The following CDV3 variants were observed in gnomAD, a reference collection of about 807,000 sequenced individuals.
CDV3 encodes the protein protein CDV3 homolog.
CDV3 carries 14 observed loss-of-function variants against 24.5 expected under a neutral mutation model. That is an observed-to-expected ratio of 0.57 (90% confidence interval 0.38 to 0.89). The LOEUF (loss-of-function observed/expected upper bound fraction) is 0.89. Among genes scored for constraint, CDV3 ranks in the 40% least tolerant of loss-of-function variants. CDV3 has a pLI of 0.00. For missense variants in CDV3, 304 were observed against 310.2 expected, an observed-to-expected ratio of 0.98 and a Z score of 0.15; for synonymous variants, 114 against 114.1, an observed-to-expected ratio of 1.00 and a Z score of 0.00.
intron 2 of CDV3, among the ~76,000 whole-genome samples, chr3:133,583,435 TCTC>T (rs1322475895): frequency 1.3e-5 from 2 of 152,252 alleles, no homozygotes; most frequent in Non-Finnish European, 2.9e-5. Context: ...CTCACCTTCT[TCTC>T]TGCATTTCAG....
intron 3 of CDV3, among the ~76,000 whole-genome samples, chr3:133,585,791 C>T (rs984118514): frequency 6.6e-6 from 1 of 152,186 alleles, no homozygotes; most frequent in Admixed American, 6.5e-5. Flanking sequence ...GCCACTGCAC[C>T]CAGCCCTGGC....
At position 133,574,152 on chromosome 3, in the gene CDV3, C is replaced by T. The variant is rs780926253; in HGVS notation, c.108C>T (p.Gly36=). The T allele has an allele frequency of 1.7e-6, 2 of 1,171,422 alleles. No individual in the cohort carries two copies. Among genetic ancestry groups the T allele is most frequent in the Non-Finnish European group, 2.2e-6 (2 of 928,586 alleles). 72.6% of individuals were successfully genotyped at this position (1,171,422 alleles called of 1,614,324 possible). Residue 36 remains glycine, a synonymous_variant, in exon 1 of 5, where the codon GGC becomes GGT. Coordinates refer to ENST00000264993, the MANE Select transcript of CDV3 (RefSeq NM_017548.5). ...NRAASAAGAA[G]SAGGSSGAAG... ...CGGCGAGTGCCGCGGGCGCAGCGGG[C>T]AGCGCCGGCGGAAGCAGTGGAGCCG...
chr3:133,580,596 G>A (rs111916702), intron 2 of CDV3, among the ~76,000 whole-genome samples: 5,335 of 152,188 alleles, frequency 0.035, 162 homozygotes, highest in Non-Finnish European at 0.045. Flanking sequence ...CAGTTACTTG[G>A]TGGGCTGAGA....
intron 4 of CDV3, 170 bp from the exon 5 acceptor site, chr3:133,587,726 G>C (rs1234436686): frequency 1.4e-6 from 2 of 1,400,254 alleles, no homozygotes; most frequent in African/African-American, 2.9e-5. Flanking sequence ...TGTGTTTTCT[G>C]TTTGAATTGA....
intron 4 of CDV3, chr3:133,587,693 C>A: frequency 7.4e-7 from 1 of 1,347,982 alleles, no homozygotes; most frequent in South Asian, 2.0e-5. Context: ...AAGATAGGAC[C>A]CTAGAGCTTC....
At position 133,588,677 on chromosome 3, in the gene CDV3, CTG is replaced by C; in HGVS notation, c.*635_*636del. On this transcript the variant is annotated 3_prime_UTR_variant, in exon 5 of 5. Coordinates refer to ENST00000264993, the MANE Select transcript of CDV3 (RefSeq NM_017548.5). Reference sequence around the variant, plus strand: ...AAAAGAACTGATGTGTTCAGATCATCTGTGTAGGGCTGTGATTTGTAATTTAA... The same window carrying C: ...AAAAGAACTGATGTGTTCAGATCATCTGTAGGGCTGTGATTTGTAATTTAA... 2 of 328,390 alleles carry C rather than the reference CTG, an allele frequency of 6.1e-6. No individual in the cohort carries two copies. Among genetic ancestry groups the C allele is most frequent in the East Asian group, 9.8e-5 (2 of 20,324 alleles). 20.3% of individuals were successfully genotyped at this position (328,390 alleles called of 1,614,324 possible). A position where few individuals can be genotyped will look rare whatever the true frequency, so the allele number is the denominator to read the frequency against.
rs903177283 is a variant in CDV3 at position 133,574,554 on chromosome 3, C to G, written c.240+270C>G. 4.1e-6 allele frequency: 4 copies of G among 986,126 alleles called. No individual in the cohort carries two copies. In the African/African-American group the frequency reaches 7.0e-5, roughly 17 times the overall value. 61.1% of individuals were successfully genotyped at this position (986,126 alleles called of 1,614,324 possible). On this transcript the variant is annotated intron_variant, in intron 1 of 4. Transcript: ENST00000264993. The stretch of plus-strand genomic sequence containing the variant: ...GCGCCACCCTCCGGGGGCACTAGGT[C>G]TGGGGCCGCAGTGCCCAGCACAGAG...
chr3:133,576,841 CTTTTTTTTTTTTTTTT>C (rs370619351), intron 2 of CDV3, among the ~76,000 whole-genome samples: 1 of 62,388 alleles, frequency 1.6e-5, no homozygotes, highest in African/African-American at 6.8e-5. Flanking sequence ...GGTAGACTAG[CTTTTTTTTTTTTTTTT>C]TTTTTTTGAG....
chr3:133,574,563 C>T (rs2074729103), intron 1 of CDV3: 1 of 986,062 alleles, frequency 1.0e-6, no homozygotes, highest in Non-Finnish European at 1.2e-6. Flanking sequence ...TCTGGGGCCG[C>T]AGTGCCCAGC....
At chr3:133,579,919 C>T (rs2074953020) in intron 2 of CDV3, among the ~76,000 whole-genome samples, 1 of 152,094 alleles carries the variant, frequency 6.6e-6, no homozygotes, top group African/African-American at 2.4e-5. Context: ...TAGACAATTT[C>T]CACATGTTTA....
chr3:133,589,495 T>C lies in CDV3; in HGVS notation c.*1449T>C, dbSNP rs1039930979. 1 of 152,636 alleles carries C rather than the reference T, an allele frequency of 6.6e-6. No homozygotes were observed. The highest frequency in any genetic ancestry group is 1.5e-5 in the Non-Finnish European group (1 of 68,046). The allele number at this position is 152,636 out of a possible 1,614,324, so 9.5% of individuals were successfully genotyped here. ...ACAAGATGGTCTGGCAGTTTCCTAG[T>C]TTTGTATCTGGTTCAATAGAAATAT... On this transcript the variant is annotated 3_prime_UTR_variant, in exon 5 of 5. Transcript: ENST00000264993.
At chr3:133,586,988 A>G (rs1010357114) in intron 4 of CDV3, among the ~76,000 whole-genome samples, 2 of 152,244 alleles carry the variant, frequency 1.3e-5, no homozygotes, top group African/African-American at 4.8e-5. Context: ...TTTTATAGCA[A>G]TGACAAGTTT....
intron 1 of CDV3, chr3:133,574,504 C>A: frequency 1.0e-6 from 1 of 986,264 alleles, no homozygotes; most frequent in Non-Finnish European, 1.2e-6. Flanking sequence ...CCCCGCGTCG[C>A]TCGGCGTTAG....
At chr3:133,579,028 T>C (rs375010461) in intron 2 of CDV3, among the ~76,000 whole-genome samples, 13 of 152,200 alleles carry the variant, frequency 8.5e-5, no homozygotes, top group African/African-American at 3.1e-4. Flanking sequence ...TGTGAAATAA[T>C]AGAGCCTCTA....
chr3:133,576,463 C>T (rs2074811259), intron 2 of CDV3, among the ~76,000 whole-genome samples: 1 of 152,156 alleles, frequency 6.6e-6, no homozygotes, highest in African/African-American at 2.4e-5. Context: ...TAAAGTTTGG[C>T]TCTTCTTAAG....
intron 2 of CDV3, among the ~76,000 whole-genome samples, chr3:133,578,627 A>G (rs573439284): frequency 6.6e-6 from 1 of 152,308 alleles, no homozygotes; most frequent in South Asian, 2.1e-4. Context: ...GGGGTCAGGA[A>G]AGATTCTTTG....
At chr3:133,587,226 G>C in intron 4 of CDV3, 1 of 1,309,268 alleles carries the variant, frequency 7.6e-7, no homozygotes, top group Non-Finnish European at 9.9e-7. Context: ...TCTTACTTTA[G>C]GGACATGAAT....
Position 133,576,443 on chromosome 3 carries a change from G to A in CDV3, c.317+1328G>A, listed in dbSNP as rs553810024. Among the ~76,000 whole-genome samples the A allele has an allele frequency of 1.1e-4, 17 of 152,274 alleles. No homozygotes were observed. In the South Asian group the frequency reaches 2.7e-3, roughly 24 times the overall value. ...TGGAACTGCCTGTGTGTGTGGCTCCGGTTCTGTTGTAAAGTTTGGCTCTTC... is the reference window on the plus strand; with the variant it reads ...TGGAACTGCCTGTGTGTGTGGCTCCAGTTCTGTTGTAAAGTTTGGCTCTTC... On this transcript the variant is annotated intron_variant, in intron 2 of 4. Coordinates refer to ENST00000264993, the MANE Select transcript of CDV3 (RefSeq NM_017548.5).
chr3:133,576,671 A>G (rs371748256), intron 2 of CDV3, among the ~76,000 whole-genome samples: 1 of 152,136 alleles, frequency 6.6e-6, no homozygotes. Flanking sequence ...GTTACTGACT[A>G]TAAATTACAT....
Sources: gnomAD v4.1 joint callset for allele counts (sites outside exome capture counted in the v4.1 genomes callset) on GRCh38, gnomAD v4.1.1 for gene constraint, MANE v1.5 for transcripts, NCBI Gene and HGNC (gene_info 2026-07-23, HGNC 2026-07-21) for gene names.